The following DAPK1 variants were observed in gnomAD, a reference collection of about 807,000 sequenced individuals.
DAPK1 encodes death-associated protein kinase 1.
DAPK1 carries 56 observed loss-of-function variants against 144.9 expected under a neutral mutation model. The ratio of observed to expected loss-of-function variants is 0.39; its 90% CI spans 0.31 to 0.48. The LOEUF is 0.48. Among genes scored for constraint, DAPK1 ranks in the 20% least tolerant of loss-of-function variants. DAPK1 has a pLI of 0.95. For missense variants in DAPK1, 1,454 were observed against 1,875.4 expected (o/e 0.78, Z 4.15); for synonymous variants, 690 against 749.0 (o/e 0.92, Z 1.29).
intron 19 of DAPK1, among the ~76,000 whole-genome samples, chr9:87,669,900 A>C (rs905293590): frequency 1.3e-5 from 2 of 152,084 alleles, no homozygotes; most frequent in African/African-American, 2.4e-5. Context: ...TGATTTTCAC[A>C]CCCTTCTGCT....
At chr9:87,573,323 A>T (rs1056549216) in intron 2 of DAPK1, among the ~76,000 whole-genome samples, 1 of 152,246 alleles carries the variant, frequency 6.6e-6, no homozygotes, top group Non-Finnish European at 1.5e-5. Context: ...AGGCAAGCCC[A>T]TCGTGCACTG....
At chr9:87,624,983 A>G (rs953291384) in intron 3 of DAPK1, among the ~76,000 whole-genome samples, 1 of 152,240 alleles carries the variant, frequency 6.6e-6, no homozygotes, top group South Asian at 2.1e-4. Flanking sequence ...GTAGTTGACA[A>G]ACTACAGCCG....
In DAPK1 at chr9:87,604,929, A is replaced by G. The variant is rs775502180; in HGVS notation, c.63-25A>G. 2.5e-6 allele frequency: 4 copies of G among 1,606,176 alleles called. No homozygotes were observed. In the South Asian group the frequency reaches 4.4e-5, roughly 18 times the overall value. Reference sequence around the variant, plus strand: ...ATCCTGTTTTTTTTATGAACGATAAAGAATCCTCCATCTTCTCTTTTCAGT... The same window carrying G: ...ATCCTGTTTTTTTTATGAACGATAAGGAATCCTCCATCTTCTCTTTTCAGT... On this transcript the variant is annotated intron_variant, in intron 2 of 25. Transcript: ENST00000408954.
intron 2 of DAPK1, among the ~76,000 whole-genome samples, chr9:87,595,052 T>C (rs1828266825): frequency 6.6e-6 from 1 of 152,154 alleles, no homozygotes; most frequent in Non-Finnish European, 1.5e-5. Flanking sequence ...GTGTTGAAAA[T>C]GCAAAGGAAA....
At chr9:87,672,640 G>C (rs1397541502) in intron 19 of DAPK1, among the ~76,000 whole-genome samples, 3 of 152,136 alleles carry the variant, frequency 2.0e-5, no homozygotes, top group Non-Finnish European at 4.4e-5. Context: ...ATCCCTCAGT[G>C]GGCTCTTGAC....
intron 3 of DAPK1, among the ~76,000 whole-genome samples, chr9:87,605,825 CT>C (rs1336891254): frequency 2.6e-5 from 4 of 152,166 alleles, no homozygotes; most frequent in Non-Finnish European, 5.9e-5. Flanking sequence ...CAGTCCCCAG[CT>C]TCCTGCCTGC....
At chr9:87,530,332 A>G (rs924155221) in intron 2 of DAPK1, among the ~76,000 whole-genome samples, 1 of 152,202 alleles carries the variant, frequency 6.6e-6, no homozygotes, top group Non-Finnish European at 1.5e-5. Flanking sequence ...TAACCAACAC[A>G]GGCTGTATTA....
intron 2 of DAPK1, among the ~76,000 whole-genome samples, chr9:87,575,292 A>C (rs1827516057): frequency 6.6e-6 from 1 of 150,794 alleles, no homozygotes; most frequent in African/African-American, 2.4e-5. Context: ...GGCAAGATGC[A>C]TACATTCATA....
At chr9:87,648,933 C>A in intron 15 of DAPK1, 54 bp downstream of exon 15, 1 of 1,453,126 alleles carries the variant, frequency 6.9e-7, no homozygotes, top group Non-Finnish European at 9.7e-7. Context: ...AATGTACAGG[C>A]AGCCAGATGG....
intron 3 of DAPK1, among the ~76,000 whole-genome samples, chr9:87,634,394 C>G (rs1829813307): frequency 6.6e-6 from 1 of 152,194 alleles, no homozygotes; most frequent in Admixed American, 6.5e-5. Context: ...AAGGACATCT[C>G]TTCTTCCTGG....
chr9:87,554,571 C>G (rs764622747), intron 2 of DAPK1: 6 of 152,210 alleles, frequency 3.9e-5, no homozygotes, highest in Non-Finnish European at 8.8e-5. Context: ...TGGGACCACC[C>G]TTAGGAGCCT....
At chr9:87,528,221 T>G (rs1467209683) in intron 2 of DAPK1, among the ~76,000 whole-genome samples, 1 of 2,228 alleles carries the variant, frequency 4.5e-4, no homozygotes, top group Admixed American at 3.8e-3. Context: ...CTTTCTTTCT[T>G]TTTTTTTTTT....
At chr9:87,519,524 G>C (rs1029102967) in intron 2 of DAPK1, among the ~76,000 whole-genome samples, 1 of 150,396 alleles carries the variant, frequency 6.6e-6, no homozygotes, top group Non-Finnish European at 1.5e-5. Context: ...GTGTCTGGCT[G>C]ATCATGTCAG....
At position 87,658,097 on chromosome 9, in the gene DAPK1, G is replaced by C. The variant is rs527809385; in HGVS notation, c.1893G>C (p.Leu631=). 1 of 1,525,866 alleles carries C rather than the reference G, an allele frequency of 6.6e-7. No homozygotes were observed. The highest frequency in any genetic ancestry group is 1.4e-5 in the African/African-American group (1 of 73,190). 94.5% of individuals were successfully genotyped at this position (1,525,866 alleles called of 1,614,324 possible). Residue 631 remains leucine, a synonymous_variant, in exon 18 of 26, where the codon CTG becomes CTC. Coordinates refer to ENST00000408954, the MANE Select transcript of DAPK1 (RefSeq NM_004938.4). ...GILDVVRYLC[L]MGASVEALTT... is the part of the protein sequence containing the mutation. ...TAGACGTGGTCCGGTATCTCTGTCT[G>C]ATGGGAGCCAGCGTTGAGGCGCTGA...
At chr9:87,543,776 T>C (rs1826138083) in intron 2 of DAPK1, among the ~76,000 whole-genome samples, 1 of 152,208 alleles carries the variant, frequency 6.6e-6, no homozygotes, top group African/African-American at 2.4e-5. Flanking sequence ...TTTTGTTGCA[T>C]CCTCAAAAAG....
intron 16 of DAPK1, 44 bp from the exon 17 acceptor site, chr9:87,651,483 T>G: frequency 6.3e-7 from 1 of 1,598,498 alleles, no homozygotes; most frequent in Non-Finnish European, 8.6e-7. Flanking sequence ...GGAGGCCACA[T>G]GCCCAAGTGA....
At chr9:87,681,779 G>T (rs140176368) in intron 20 of DAPK1, 153 bp downstream of exon 20, 1 of 655,948 alleles carries the variant, frequency 1.5e-6, no homozygotes, top group Non-Finnish European at 2.8e-6. Flanking sequence ...AGGTTGGCTG[G>T]TAGCCTTGTG....
chr9:87,567,570 G>C (rs1004421211), intron 2 of DAPK1, among the ~76,000 whole-genome samples: 1 of 152,146 alleles, frequency 6.6e-6, no homozygotes, highest in African/African-American at 2.4e-5. Context: ...AATTAGGCTC[G>C]GTTGTGAGGA....
chr9:87,542,213 G>A (rs1826081262), intron 2 of DAPK1, among the ~76,000 whole-genome samples: 1 of 152,314 alleles, frequency 6.6e-6, no homozygotes, highest in African/African-American at 2.4e-5. Context: ...AGTTTTCTAA[G>A]GTGGGAAATT....
Sources: gnomAD v4.1 joint callset for allele counts (sites outside exome capture counted in the v4.1 genomes callset) on GRCh38, gnomAD v4.1.1 for gene constraint, MANE v1.5 for transcripts, NCBI Gene and HGNC (gene_info 2026-07-23, HGNC 2026-07-21) for gene names.